The following NAALADL2 variants were observed in gnomAD, a reference collection of about 807,000 sequenced individuals.
NAALADL2 encodes inactive N-acetylated-alpha-linked acidic dipeptidase-like protein 2.
In NAALADL2, 76 loss-of-function variants were observed where a neutral mutation model predicts 87.2. That is an observed-to-expected ratio of 0.87 (90% CI 0.72 to 1.05). The LOEUF is 1.05. Among genes scored for constraint, NAALADL2 ranks in the 50% least tolerant of loss-of-function variants. The pLI is 0.00. For missense variants in NAALADL2, 1,089 were observed against 945.8 expected (o/e 1.15, Z -1.99); for synonymous variants, 354 against 331.0 (o/e 1.07, Z -0.75).
At chr3:175,318,847 A>C (rs975847978) in intron 4 of NAALADL2, among the ~76,000 whole-genome samples, 1 of 152,168 alleles carries the variant, frequency 6.6e-6, no homozygotes, top group African/African-American at 2.4e-5. Flanking sequence ...CAGGGTTTCA[A>C]CTTTTTGAGA....
intron 1 of NAALADL2, among the ~76,000 whole-genome samples, chr3:174,882,737 ATG>A (rs1473059072): frequency 2.1e-5 from 3 of 144,364 alleles, no homozygotes; most frequent in Non-Finnish European, 3.0e-5. Context: ...ATGTGTATCT[ATG>A]TGTATATACA....
rs984035043 is a variant in NAALADL2 at position 174,451,944 on chromosome 3, G to C, written c.-184+10912G>C. ...TGCAACCTCCGCCTCTCGGGTTCAA[G>C]AGATTCTCGTGCCTCAGCCTCCCGA... On this transcript the variant is annotated intron_variant, in intron 1 of 3. Coordinates refer to the NAALADL2 transcript ENST00000434257. 5.0e-5 allele frequency among the ~76,000 whole-genome samples: 7 copies of C among 140,730 alleles called. No homozygotes were observed. The East Asian group carries it at 1.6e-3, about 32-fold the overall frequency. 92.3% of individuals were successfully genotyped at this position (140,730 alleles called of 152,430 possible).
intron 1 of NAALADL2, among the ~76,000 whole-genome samples, chr3:175,092,419 C>T (rs762431106): frequency 1.3e-5 from 2 of 151,720 alleles, no homozygotes; most frequent in Non-Finnish European, 3.0e-5. Flanking sequence ...TGATCATATT[C>T]GTAAGTGGCA....
intron 2 of NAALADL2, among the ~76,000 whole-genome samples, chr3:174,620,490 G>A (rs1640013766): frequency 6.6e-6 from 1 of 151,592 alleles, no homozygotes; most frequent in African/African-American, 2.4e-5. Context: ...TAATACTTGT[G>A]GAATTGTTTA....
At chr3:174,491,998 G>A (rs779496996) in intron 1 of NAALADL2, among the ~76,000 whole-genome samples, 8 of 152,084 alleles carry the variant, frequency 5.3e-5, no homozygotes, top group African/African-American at 7.2e-5. Context: ...GGCCAGGCAC[G>A]GTGGCTCATG....
At chr3:175,201,642 T>C (rs1469332514) in intron 2 of NAALADL2, among the ~76,000 whole-genome samples, 6 of 152,194 alleles carry the variant, frequency 3.9e-5, no homozygotes, top group Non-Finnish European at 7.3e-5. Flanking sequence ...TTTAGATTTT[T>C]TCCAATTCTT....
intron 13 of NAALADL2, among the ~76,000 whole-genome samples, chr3:175,796,563 C>G (rs1228012351): frequency 6.6e-6 from 1 of 152,092 alleles, no homozygotes; most frequent in Non-Finnish European, 1.5e-5. Context: ...GACGTAGTAT[C>G]GAAGTAAAAT....
At chr3:175,079,993 T>C (rs1319603854) in intron 1 of NAALADL2, among the ~76,000 whole-genome samples, 4 of 149,276 alleles carry the variant, frequency 2.7e-5, no homozygotes, top group African/African-American at 1.0e-4. Flanking sequence ...TGAGATGGAG[T>C]CTCTCTTTGT....
At chr3:174,977,689 A>T (rs1744546702) in intron 1 of NAALADL2, among the ~76,000 whole-genome samples, 1 of 152,094 alleles carries the variant, frequency 6.6e-6, no homozygotes, top group South Asian at 2.1e-4. Flanking sequence ...ACCCCAGGGG[A>T]TCTAAGGAAG....
intron 2 of NAALADL2, among the ~76,000 whole-genome samples, chr3:175,132,116 G>T (rs1728084624): frequency 7.4e-6 from 1 of 134,326 alleles, no homozygotes; most frequent in Admixed American, 7.1e-5. Flanking sequence ...CCCGGATGGG[G>T]CGGCTGGCCG....
intron 3 of NAALADL2, among the ~76,000 whole-genome samples, chr3:174,757,594 C>T (rs1018386833): frequency 2.6e-5 from 4 of 152,006 alleles, no homozygotes; most frequent in African/African-American, 4.8e-5. Flanking sequence ...TGGGTTCCAG[C>T]GATTCTCCTG....
intron 1 of NAALADL2, among the ~76,000 whole-genome samples, chr3:174,450,032 C>T (rs947768148): frequency 2.0e-5 from 3 of 152,000 alleles, no homozygotes; most frequent in Non-Finnish European, 4.4e-5. Flanking sequence ...CACACACACA[C>T]ACACACACAC....
At chr3:174,651,128 A>G (rs986752027) in intron 2 of NAALADL2, among the ~76,000 whole-genome samples, 2 of 152,168 alleles carry the variant, frequency 1.3e-5, no homozygotes, top group Admixed American at 1.3e-4. Flanking sequence ...GCTATCATTT[A>G]GAATATGATT....
chr3:175,714,215 G>A (rs1252046434), intron 11 of NAALADL2, among the ~76,000 whole-genome samples: 1 of 152,130 alleles, frequency 6.6e-6, no homozygotes, highest in Admixed American at 6.6e-5. Flanking sequence ...CTTTATAGTA[G>A]AATGATTTAT....
chr3:175,253,876 A>G (rs1014596292), intron 3 of NAALADL2, among the ~76,000 whole-genome samples: 51 of 152,154 alleles, frequency 3.4e-4, no homozygotes, highest in African/African-American at 1.2e-3. Context: ...GATGTGACTA[A>G]ATTGTTGCAA....
At chr3:175,671,481 A>G (rs1374971218) in intron 11 of NAALADL2, among the ~76,000 whole-genome samples, 1 of 152,010 alleles carries the variant, frequency 6.6e-6, no homozygotes, top group East Asian at 1.9e-4. Context: ...CTACCAGGTG[A>G]CATCTATTGT....
chr3:175,511,322 G>A (rs1483428733), intron 9 of NAALADL2, among the ~76,000 whole-genome samples: 1 of 152,154 alleles, frequency 6.6e-6, no homozygotes, highest in Non-Finnish European at 1.5e-5. Flanking sequence ...TTAGAGATAG[G>A]ACCTTTGTAA....
At chr3:174,459,487 GT>G (rs1487326068) in intron 1 of NAALADL2, 2 of 152,140 alleles carry the variant, frequency 1.3e-5, no homozygotes, top group African/African-American at 4.8e-5. Flanking sequence ...TGTCAGTGAG[GT>G]TTGCATGTGA....
chr3:175,201,410 A>G (rs533374398), intron 2 of NAALADL2, among the ~76,000 whole-genome samples: 39 of 152,334 alleles, frequency 2.6e-4, no homozygotes, highest in Middle Eastern at 3.4e-3. Flanking sequence ...AAGTTTATTA[A>G]GTAATTTTTC....
Sources: allele counts gnomAD v4.1 joint callset (sites outside exome capture counted in the v4.1 genomes callset), GRCh38; gene constraint gnomAD v4.1.1; transcripts MANE v1.5; gene names NCBI Gene and HGNC (gene_info 2026-07-23, HGNC 2026-07-21).